OPCML: variants seen among roughly 807,000 people sequenced by gnomAD.
OPCML encodes the protein opioid binding protein/cell adhesion molecule like, also known as opioid-binding protein/cell adhesion molecule.
Under a neutral mutation model 37.8 loss-of-function variants are expected in OPCML, and 13 were observed. That is an observed-to-expected ratio of 0.34 (90% CI 0.22 to 0.55). OPCML has a LOEUF of 0.55. Among genes scored for constraint, OPCML ranks in the 20% least tolerant of loss-of-function variants. The pLI, the probability that OPCML is intolerant of heterozygous loss-of-function variation, is 0.91. For synonymous variants in OPCML, 176 were observed against 168.8 expected (o/e 1.04, Z -0.33); for missense variants, 341 against 435.6 (o/e 0.78, Z 1.93).
chr11:132,923,986 C>A (rs1362319485), intron 2 of OPCML, among the ~76,000 whole-genome samples: 1 of 151,834 alleles, frequency 6.6e-6, no homozygotes, highest in Admixed American at 6.6e-5. Context: ...TGGTCTCAAA[C>A]TCCTGACCTC....
intron 1 of OPCML, among the ~76,000 whole-genome samples, chr11:133,463,252 G>A (rs2095905403): frequency 6.6e-6 from 1 of 152,018 alleles, no homozygotes; most frequent in Non-Finnish European, 1.5e-5. Context: ...GGTCAGAGAG[G>A]GAATCGGGAA....
chr11:132,504,904 T>C (rs1222548849), intron 4 of OPCML, among the ~76,000 whole-genome samples: 1 of 152,052 alleles, frequency 6.6e-6, no homozygotes, highest in Non-Finnish European at 1.5e-5. Context: ...CCTCATAGAC[T>C]TTCTAAGCAA....
rs138337198 is a variant in OPCML at position 133,275,749 on chromosome 11, G to A, written c.61+256515C>T. ...CTGTGTCCCTAGCACCCAGAAAGGCGCCTGGCACATGGATATTCAATAGAC... is the reference window on the plus strand; with the variant it reads ...CTGTGTCCCTAGCACCCAGAAAGGCACCTGGCACATGGATATTCAATAGAC... On this transcript the variant is annotated intron_variant, in intron 1 of 7. Coordinates refer to ENST00000524381, the MANE Select transcript of OPCML (RefSeq NM_001012393.5). Among the ~76,000 whole-genome samples the A allele has an allele frequency of 8.5e-3, 1,287 of 152,280 alleles. 23 individuals are homozygous for A. Among genetic ancestry groups the A allele is most frequent in the African/African-American group, 0.029 (1,198 of 41,544 alleles).
rs1413030897 is a variant in OPCML, at chr11:133,075,489, G to A, written c.62-132479C>T. ...GGGGATGAGCGGTGGGGACGCTGCC[G>A]GGAAGCAGTTCGACACTGACTGATG... On this transcript the variant is annotated intron_variant, in intron 1 of 7. Coordinates refer to ENST00000524381, the MANE Select transcript of OPCML (RefSeq NM_001012393.5). Among the ~76,000 whole-genome samples, 5 of 152,248 alleles carry A rather than the reference G, an allele frequency of 3.3e-5. No individual in the cohort carries two copies. In the South Asian group the frequency reaches 6.2e-4, roughly 19 times the overall value.
intron 1 of OPCML, among the ~76,000 whole-genome samples, chr11:133,233,777 C>A (rs930024136): frequency 6.6e-6 from 1 of 152,190 alleles, no homozygotes; most frequent in Non-Finnish European, 1.5e-5. Context: ...GCATGCTTTT[C>A]TCCTGTTAAT....
intron 1 of OPCML, among the ~76,000 whole-genome samples, chr11:133,364,803 G>A (rs1944502885): frequency 6.6e-6 from 1 of 152,010 alleles, no homozygotes; most frequent in African/African-American, 2.4e-5. Flanking sequence ...TTAAAAAGCG[G>A]ATTGGACCCT....
rs539125411 is a variant in OPCML, at chr11:133,408,152, A to AC, written c.61+124111_61+124112insG. Among the ~76,000 whole-genome samples the AC allele has an allele frequency of 3.1e-3, 363 of 116,038 alleles. 3 individuals are homozygous for AC. Among genetic ancestry groups the AC allele is most frequent in the Non-Finnish European group, 5.1e-3 (302 of 59,378 alleles). The allele number at this position is 116,038 out of a possible 152,430, so 76.1% of individuals were successfully genotyped here. A position where few individuals can be genotyped will look rare whatever the true frequency, so the allele number is the denominator to read the frequency against. ...ATTTCAACCGCATGTTGCTGGTCAC[A>AC]AAAAAAAAATCACCAAACTTCCAAA... is the stretch of plus-strand genomic sequence containing the variant. On this transcript the variant is annotated intron_variant, in intron 1 of 7. Coordinates refer to ENST00000524381, the MANE Select transcript of OPCML (RefSeq NM_001012393.5).
intron 2 of OPCML, 93 bp downstream of exon 2, chr11:132,942,833 C>T (rs981911087): frequency 5.9e-6 from 9 of 1,518,232 alleles, no homozygotes; most frequent in East Asian, 4.5e-5. Context: ...ACTCGCGTTC[C>T]GGTCCCCCAT....
intron 1 of OPCML, among the ~76,000 whole-genome samples, chr11:133,512,049 G>A (rs953302786): frequency 6.6e-6 from 1 of 152,174 alleles, no homozygotes; most frequent in African/African-American, 2.4e-5. Flanking sequence ...CGCACACTAA[G>A]CAATTTTCTG....
chr11:133,377,458 G>A (rs1161821135), intron 1 of OPCML, among the ~76,000 whole-genome samples: 1 of 151,912 alleles, frequency 6.6e-6, no homozygotes, highest in Non-Finnish European at 1.5e-5. Flanking sequence ...AAGGCAAGAT[G>A]TGGGAAGGAT....
At chr11:133,256,623 A>G (rs1425592709) in intron 1 of OPCML, among the ~76,000 whole-genome samples, 1 of 152,158 alleles carries the variant, frequency 6.6e-6, no homozygotes, top group South Asian at 2.1e-4. Flanking sequence ...AAAGTTATTC[A>G]TTTATTACAA....
intron 3 of OPCML, among the ~76,000 whole-genome samples, chr11:132,629,192 C>T (rs1313170830): frequency 6.6e-6 from 1 of 152,126 alleles, no homozygotes; most frequent in African/African-American, 2.4e-5. Flanking sequence ...GCGTCATACG[C>T]TGTGCCCCTG....
chr11:133,042,569 CCAAA>C (rs1565414515), intron 1 of OPCML, among the ~76,000 whole-genome samples: 1 of 152,118 alleles, frequency 6.6e-6, no homozygotes, highest in Non-Finnish European at 1.5e-5. Context: ...GACTCTAATC[CCAAA>C]CACAGTTCCC....
chr11:132,586,711 C>T (rs551723729), intron 3 of OPCML, among the ~76,000 whole-genome samples: 1 of 152,242 alleles, frequency 6.6e-6, no homozygotes, highest in South Asian at 2.1e-4. Context: ...CTCAATAGAA[C>T]AGATGAACAA....
At chr11:133,056,927 T>A (rs1948251161) in intron 1 of OPCML, among the ~76,000 whole-genome samples, 1 of 152,206 alleles carries the variant, frequency 6.6e-6, no homozygotes, top group African/African-American at 2.4e-5. Flanking sequence ...CACCACAACC[T>A]CCGCCTTCCG....
intron 1 of OPCML, among the ~76,000 whole-genome samples, chr11:133,482,721 T>G (rs565776640): frequency 6.6e-6 from 1 of 152,236 alleles, no homozygotes; most frequent in East Asian, 1.9e-4. Context: ...AACTAGCTTA[T>G]TATATGGAGA....
At chr11:132,863,599 C>T (rs1276980427) in intron 2 of OPCML, among the ~76,000 whole-genome samples, 1 of 152,188 alleles carries the variant, frequency 6.6e-6, no homozygotes, top group East Asian at 1.9e-4. Flanking sequence ...GAAGTCAGAA[C>T]ACGTTTTCTC....
At chr11:132,740,597 G>T (rs754879197) in intron 2 of OPCML, among the ~76,000 whole-genome samples, 2 of 151,964 alleles carry the variant, frequency 1.3e-5, no homozygotes, top group South Asian at 4.2e-4. Context: ...CTATCACCTC[G>T]CTACTCTATC....
chr11:133,491,090 T>C (rs1012645650), intron 1 of OPCML, among the ~76,000 whole-genome samples: 3 of 152,176 alleles, frequency 2.0e-5, no homozygotes, highest in African/African-American at 7.2e-5. Context: ...GTCAGCAGTG[T>C]GAAATTCTAT....
Sources: gnomAD v4.1 joint callset for allele counts (sites outside exome capture counted in the v4.1 genomes callset) on GRCh38, gnomAD v4.1.1 for gene constraint, MANE v1.5 for transcripts, NCBI Gene and HGNC (gene_info 2026-07-23, HGNC 2026-07-21) for gene names.